Variants in EMCN observed in about 807,000 individuals in gnomAD.
EMCN encodes endomucin.
A neutral mutation model predicts 38.4 loss-of-function variants in EMCN; 37 were observed. That is an observed-to-expected ratio of 0.96 (90% CI 0.74 to 1.27). EMCN has a LOEUF of 1.27. EMCN is among the 50% of genes most tolerant of loss of function. The probability of loss-of-function intolerance (pLI) is 0.00; values close to 1 mark genes in which losing one functional copy is unlikely to be tolerated. For missense variants in EMCN, 318 were observed against 302.8 expected (o/e 1.05, Z -0.37); for synonymous variants, 95 against 100.8 (o/e 0.94, Z 0.35).
At chr4:100,498,669 T>C (rs1729272564) in intron 1 of EMCN, among the ~76,000 whole-genome samples, 1 of 152,108 alleles carries the variant, frequency 6.6e-6, no homozygotes, top group South Asian at 2.1e-4. Context: ...CTTGAACTCC[T>C]GACCTCAGGT....
chr4:100,405,643 C>G (rs1172098587), intron 11 of EMCN, among the ~76,000 whole-genome samples: 1 of 151,894 alleles, frequency 6.6e-6, no homozygotes. Context: ...TTGTTGAGAA[C>G]TTTTGCATCT....
chr4:100,401,750 G>A (rs553403036), intron 11 of EMCN, among the ~76,000 whole-genome samples: 5 of 152,192 alleles, frequency 3.3e-5, no homozygotes, highest in East Asian at 1.9e-4. Context: ...CTGTGGGAAC[G>A]GACTTTGATC....
intron 1 of EMCN, among the ~76,000 whole-genome samples, chr4:100,504,374 G>A (rs1048297384): frequency 1.3e-5 from 2 of 152,184 alleles, no homozygotes; most frequent in Non-Finnish European, 2.9e-5. Flanking sequence ...AGCCATCCAG[G>A]CGCTGAGGCA....
intron 4 of EMCN, among the ~76,000 whole-genome samples, chr4:100,463,667 T>C (rs1012808540): frequency 6.6e-6 from 1 of 152,112 alleles, no homozygotes; most frequent in African/African-American, 2.4e-5. Flanking sequence ...CACTCCCATC[T>C]CCAGCTGCAG....
At chr4:100,506,740 G>T (rs1729489409) in intron 1 of EMCN, among the ~76,000 whole-genome samples, 1 of 152,162 alleles carries the variant, frequency 6.6e-6, no homozygotes. Context: ...CAAGTTAGAG[G>T]TTAAGGGTTG....
At chr4:100,456,003 C>T (rs1188357223) in intron 4 of EMCN, among the ~76,000 whole-genome samples, 1 of 152,070 alleles carries the variant, frequency 6.6e-6, no homozygotes, top group Admixed American at 6.6e-5. Flanking sequence ...CCACGTTGTC[C>T]AGGCTGGTCT....
chr4:100,469,278 C>T lies in EMCN; in HGVS notation c.260-3739G>A, dbSNP rs1389388421. ...AAATGTAATATCTGAAATCATAAAC[C>T]TCCAGAAGAGAAGATAGGGGCAAAT... On this transcript the variant is annotated intron_variant, in intron 3 of 11. Coordinates refer to ENST00000296420, the MANE Select transcript of EMCN (RefSeq NM_016242.4). Among the ~76,000 whole-genome samples, 3 of 151,982 alleles carry T rather than the reference C, an allele frequency of 2.0e-5. No homozygotes were observed. In the East Asian group the frequency reaches 5.8e-4, roughly 29 times the overall value.
Position 100,405,017 on chromosome 4 carries a change from G to C in EMCN, c.*39+5265C>G, listed in dbSNP as rs578181391. 5.9e-5 allele frequency among the ~76,000 whole-genome samples: 9 copies of C among 151,966 alleles called. No individual in the cohort carries two copies. In the East Asian group the frequency reaches 1.5e-3, roughly 26 times the overall value. On this transcript the variant is annotated intron_variant, in intron 11 of 11. Coordinates refer to ENST00000296420, the MANE Select transcript of EMCN (RefSeq NM_016242.4). Reference sequence around the variant, plus strand: ...CATTCTTGATTTGTCTCTCAGCTTGGATGTTGTTGGTGTATAGAAATGCTA... The same window carrying C: ...CATTCTTGATTTGTCTCTCAGCTTGCATGTTGTTGGTGTATAGAAATGCTA...
At chr4:100,453,091 G>C (rs545759993) in intron 4 of EMCN, among the ~76,000 whole-genome samples, 2 of 152,106 alleles carry the variant, frequency 1.3e-5, no homozygotes, top group Admixed American at 6.6e-5. Context: ...GAAAACCTAG[G>C]CAATACCATT....
chr4:100,429,801 T>C lies in EMCN; in HGVS notation c.416-6397A>G, dbSNP rs112785104. ...ATTCCATATGTGCTAATTTATTTTATTCTTAAGCAAATATTTTTAATCCTG... is the reference window on the plus strand; with the variant it reads ...ATTCCATATGTGCTAATTTATTTTACTCTTAAGCAAATATTTTTAATCCTG... On this transcript the variant is annotated intron_variant, in intron 5 of 11. Coordinates refer to ENST00000296420, the MANE Select transcript of EMCN (RefSeq NM_016242.4). 4.7e-3 allele frequency among the ~76,000 whole-genome samples: 722 copies of C among 152,294 alleles called. 10 individuals carry two copies. The highest frequency in any genetic ancestry group is 0.017 in the African/African-American group (689 of 41,584).
chr4:100,454,799 C>G (rs938853016), intron 4 of EMCN, among the ~76,000 whole-genome samples: 2 of 152,156 alleles, frequency 1.3e-5, no homozygotes, highest in Non-Finnish European at 2.9e-5. Context: ...TCAAATAACT[C>G]TCTTTATCCC....
Position 100,497,665 on chromosome 4 carries a change from C to T in EMCN, c.65-17626G>A, listed in dbSNP as rs868696583. 4.6e-5 allele frequency among the ~76,000 whole-genome samples: 7 copies of T among 152,096 alleles called. No individual in the cohort carries two copies. In the South Asian group the frequency reaches 6.2e-4, roughly 14 times the overall value. ...TTCTGGGATTACAGGCGTGAGCCACCGCTCCAGGCCCAAATCAAGTTTTTA... is the reference window on the plus strand; with the variant it reads ...TTCTGGGATTACAGGCGTGAGCCACTGCTCCAGGCCCAAATCAAGTTTTTA... On this transcript the variant is annotated intron_variant, in intron 1 of 11. Coordinates refer to ENST00000296420, the MANE Select transcript of EMCN (RefSeq NM_016242.4).
intron 4 of EMCN, among the ~76,000 whole-genome samples, chr4:100,464,655 T>C (rs888733790): frequency 2.0e-5 from 3 of 152,096 alleles, no homozygotes; most frequent in Admixed American, 2.0e-4. Flanking sequence ...TTTACTAATA[T>C]GTTGTATTAC....
chr4:100,399,049 T>A (rs866723707), intron 11 of EMCN, among the ~76,000 whole-genome samples: 9 of 152,192 alleles, frequency 5.9e-5, no homozygotes, highest in African/African-American at 1.7e-4. Flanking sequence ...TTTAAAGCTT[T>A]GCTGCTTTCT....
intron 10 of EMCN, among the ~76,000 whole-genome samples, chr4:100,414,348 CTTTTTTTTTTTTTTTT>C (rs5860622): frequency 1.2e-4 from 7 of 59,802 alleles, no homozygotes; most frequent in Admixed American, 3.4e-4. Flanking sequence ...TGCTTGAGCA[CTTTTTTTTTTTTTTTT>C]TTTTTTTTTT....
chr4:100,450,406 A>C (rs1233102277), intron 4 of EMCN, among the ~76,000 whole-genome samples: 1 of 152,026 alleles, frequency 6.6e-6, no homozygotes, highest in Middle Eastern at 3.2e-3. Flanking sequence ...CAATACAACA[A>C]ATAACTTTGC....
chr4:100,441,244 C>T (rs1727507955), intron 5 of EMCN, among the ~76,000 whole-genome samples: 1 of 151,894 alleles, frequency 6.6e-6, no homozygotes, highest in African/African-American at 2.4e-5. Flanking sequence ...ATACATTGAC[C>T]CCTTTATCAT....
At chr4:100,473,370 T>C (rs1160675701) in intron 3 of EMCN, among the ~76,000 whole-genome samples, 1 of 99,932 alleles carries the variant, frequency 1.0e-5, no homozygotes, top group Admixed American at 1.0e-4. Flanking sequence ...TTCGTGTTTT[T>C]TTGTTTTTTT....
At chr4:100,403,333 TG>T (rs1178665244) in intron 11 of EMCN, among the ~76,000 whole-genome samples, 1 of 152,106 alleles carries the variant, frequency 6.6e-6, no homozygotes, top group African/African-American at 2.4e-5. Context: ...CTTAGAATAA[TG>T]GACTCCAGAT....
Sources: gnomAD v4.1 joint callset for allele counts (sites outside exome capture counted in the v4.1 genomes callset) on GRCh38, gnomAD v4.1.1 for gene constraint, MANE v1.5 for transcripts, NCBI Gene and HGNC (gene_info 2026-07-23, HGNC 2026-07-21) for gene names.